FSTL4: variants seen among roughly 807,000 people sequenced by gnomAD.
The protein encoded by FSTL4 is follistatin-related protein 4.
A neutral mutation model predicts 78.2 loss-of-function variants in FSTL4; 28 were observed. That is an observed-to-expected ratio of 0.36 (90% CI 0.27 to 0.49). The LOEUF is 0.49. FSTL4 is among the 20% of genes least tolerant of loss of function. The pLI, the probability that FSTL4 is intolerant of heterozygous loss-of-function variation, is 0.98. For synonymous variants in FSTL4, 422 were observed against 440.5 expected (o/e 0.96, Z 0.53); for missense variants, 922 against 1,084.9 (o/e 0.85, Z 2.11).
chr5:133,335,430 G>A (rs1004768136), intron 4 of FSTL4, among the ~76,000 whole-genome samples: 7 of 151,964 alleles, frequency 4.6e-5, no homozygotes, highest in African/African-American at 1.5e-4. Context: ...AAAAAGAGAC[G>A]TCAAGGGTCT....
At chr5:133,501,007 G>A (rs751677661) in intron 3 of FSTL4, among the ~76,000 whole-genome samples, 2 of 152,122 alleles carry the variant, frequency 1.3e-5, no homozygotes, top group African/African-American at 4.8e-5. Context: ...AGGAAGGGGA[G>A]ATAAAAGGGA....
At chr5:133,812,801 A>C in the FSTL4 span, among the ~76,000 whole-genome samples, 1 of 152,310 alleles carries the variant, frequency 6.6e-6, no homozygotes. Flanking sequence ...CTCGTCCACC[A>C]CTGCATCCCA....
chr5:133,352,317 CAT>C lies in FSTL4; in HGVS notation c.410-35667_410-35666del, dbSNP rs1221578638. Reference sequence around the variant, plus strand: ...ATACACACACATATATATATACACACATATATATACACACATATATATATACA... The same window carrying C: ...ATACACACACATATATATATACACACATATATACACACATATATATATACA... On this transcript the variant is annotated intron_variant, in intron 4 of 15. Transcript: ENST00000265342. 4.2e-5 allele frequency among the ~76,000 whole-genome samples: 4 copies of C among 95,662 alleles called. 1 individual carries two copies. Among genetic ancestry groups the C allele is most frequent in the Non-Finnish European group, 8.0e-5 (4 of 50,094 alleles). The allele number at this position is 95,662 out of a possible 152,430, so 62.8% of individuals were successfully genotyped here. A position where few individuals can be genotyped will look rare whatever the true frequency, so the allele number is the denominator to read the frequency against.
upstream of FSTL4, among the ~76,000 whole-genome samples, chr5:133,614,802 C>G (rs1230982293): frequency 6.6e-6 from 1 of 152,102 alleles, no homozygotes; most frequent in African/African-American, 2.4e-5. Context: ...AATAGGGGAG[C>G]TAAAAGGAAA....
chr5:133,463,827 GA>G (rs1184274193), intron 3 of FSTL4, among the ~76,000 whole-genome samples: 8 of 152,166 alleles, frequency 5.3e-5, no homozygotes, highest in African/African-American at 1.9e-4. Flanking sequence ...ATTACTAAAT[GA>G]AGGTGCTGAG....
chr5:133,578,055 G>A (rs1040692334), intron 2 of FSTL4, among the ~76,000 whole-genome samples: 2 of 152,198 alleles, frequency 1.3e-5, no homozygotes, highest in Non-Finnish European at 2.9e-5. Context: ...TATTACATGA[G>A]GCTGGGAAGT....
chr5:133,759,582 T>A, the FSTL4 span, among the ~76,000 whole-genome samples: 1 of 152,262 alleles, frequency 6.6e-6, no homozygotes, highest in Admixed American at 6.5e-5. Flanking sequence ...TACTATGTGA[T>A]ATATACAAAT....
At chr5:133,691,340 C>G in the FSTL4 span, among the ~76,000 whole-genome samples, 1 of 152,050 alleles carries the variant, frequency 6.6e-6, no homozygotes, top group South Asian at 2.1e-4. Context: ...TCTCTAATGT[C>G]TTCTCTCCAG....
At chr5:133,511,902 G>A (rs1758742302) in intron 3 of FSTL4, among the ~76,000 whole-genome samples, 1 of 152,198 alleles carries the variant, frequency 6.6e-6, no homozygotes, top group Non-Finnish European at 1.5e-5. Context: ...CATTCAAGGT[G>A]GAGTGATGGA....
intron 3 of FSTL4, among the ~76,000 whole-genome samples, chr5:133,481,091 G>A (rs6883114): frequency 0.01 from 1,578 of 152,284 alleles, 34 homozygotes; most frequent in African/African-American, 0.036. Flanking sequence ...GCCTGCCAGG[G>A]GCTGTGCACT....
chr5:133,230,683 C>T (rs1013662549), intron 8 of FSTL4, among the ~76,000 whole-genome samples: 9 of 152,174 alleles, frequency 5.9e-5, no homozygotes, highest in Non-Finnish European at 1.3e-4. Context: ...GCCCCTGCGT[C>T]TCCCCAGTTT....
At chr5:133,414,839 A>T (rs1756545735) in intron 3 of FSTL4, among the ~76,000 whole-genome samples, 1 of 152,222 alleles carries the variant, frequency 6.6e-6, no homozygotes, top group African/African-American at 2.4e-5. Flanking sequence ...ATTGCCAGAC[A>T]GCCTATTTTC....
Position 133,278,273 on chromosome 5 carries a change from G to A in FSTL4, c.728-28697C>T, listed in dbSNP as rs78096754. On this transcript the variant is annotated intron_variant, in intron 6 of 15. Transcript: ENST00000265342. ...TCCCTAGAGCTCTGGGGTTCCATGT[G>A]GCATGTCTGTTTGGAGCAAAGGGGT... 3.5e-4 allele frequency among the ~76,000 whole-genome samples: 53 copies of A among 152,250 alleles called. No homozygotes were observed. The East Asian group carries it at 8.5e-3, about 24-fold the overall frequency.
At chr5:133,648,393 A>T in the FSTL4 span, among the ~76,000 whole-genome samples, 2 of 152,330 alleles carry the variant, frequency 1.3e-5, no homozygotes, top group East Asian at 3.9e-4. Flanking sequence ...GCAACTGGAC[A>T]AGGAGGGTAT....
At chr5:133,541,861 G>A (rs1759478940) in intron 3 of FSTL4, among the ~76,000 whole-genome samples, 1 of 151,832 alleles carries the variant, frequency 6.6e-6, no homozygotes, top group Non-Finnish European at 1.5e-5. Context: ...TGCTAGGGGT[G>A]TACATTGCTA....
the FSTL4 span, among the ~76,000 whole-genome samples, chr5:133,682,786 T>G: frequency 6.6e-6 from 1 of 152,204 alleles, no homozygotes; most frequent in African/African-American, 2.4e-5. Context: ...ACGGCAGTCT[T>G]GATGTTCAGG....
chr5:133,505,865 A>G (rs1185575323), intron 3 of FSTL4, among the ~76,000 whole-genome samples: 1 of 152,268 alleles, frequency 6.6e-6, no homozygotes, highest in African/African-American at 2.4e-5. Flanking sequence ...GAAACAAATC[A>G]GTTGCAAGAT....
chr5:133,363,089 G>C (rs1426813865), intron 4 of FSTL4, among the ~76,000 whole-genome samples: 1 of 151,660 alleles, frequency 6.6e-6, no homozygotes, highest in African/African-American at 2.4e-5. Context: ...CTCCATTTGG[G>C]GTTTTATGAC....
At chr5:133,535,670 G>C (rs915355840) in intron 3 of FSTL4, among the ~76,000 whole-genome samples, 2 of 152,186 alleles carry the variant, frequency 1.3e-5, no homozygotes, top group Non-Finnish European at 2.9e-5. Flanking sequence ...CTGTGTGTGT[G>C]TCTTTAATTC....
Sources: allele counts gnomAD v4.1 joint callset (sites outside exome capture counted in the v4.1 genomes callset), GRCh38; gene constraint gnomAD v4.1.1; transcripts MANE v1.5; gene names NCBI Gene and HGNC (gene_info 2026-07-23, HGNC 2026-07-21).